Variants in DECR1 observed in about 807,000 individuals in gnomAD.
The protein encoded by DECR1 is 2,4-dienoyl-CoA reductase [(3E)-enoyl-CoA-producing], mitochondrial.
A neutral mutation model predicts 38.8 loss-of-function variants in DECR1; 44 were observed. The ratio of observed to expected loss-of-function variants is 1.13; its 90% CI spans 0.89 to 1.46. DECR1 has a LOEUF of 1.46. Among genes scored for constraint, DECR1 ranks in the 40% most tolerant of loss-of-function variants. The pLI is 0.00. For missense variants in DECR1, 428 were observed against 405.5 expected (o/e 1.06, Z -0.48); for synonymous variants, 148 against 135.2 (o/e 1.09, Z -0.66).
intron 5 of DECR1, among the ~76,000 whole-genome samples, chr8:90,032,968 A>G (rs1813535027): frequency 6.6e-6 from 1 of 152,170 alleles, no homozygotes; most frequent in African/African-American, 2.4e-5. Context: ...TTAGAATCTA[A>G]TGACATTTGC....
intron 1 of DECR1, among the ~76,000 whole-genome samples, chr8:90,006,789 G>A (rs1388445846): frequency 2.0e-5 from 3 of 152,180 alleles, no homozygotes; most frequent in African/African-American, 7.2e-5. Context: ...CCAGTGATGA[G>A]GGTCTGAACT....
chr8:90,017,036 A>G (rs1813024460), intron 1 of DECR1, 88 bp from the exon 2 acceptor site: 1 of 812,990 alleles, frequency 1.2e-6, no homozygotes, highest in Admixed American at 2.5e-5. Context: ...GAATTTGATT[A>G]CTATTAAATT....
intron 5 of DECR1, among the ~76,000 whole-genome samples, chr8:90,025,038 G>A (rs1813293724): frequency 6.6e-6 from 1 of 152,316 alleles, no homozygotes; most frequent in African/African-American, 2.4e-5. Flanking sequence ...TTATAGATGT[G>A]TGGTATTACT....
intron 2 of DECR1, 133 bp downstream of exon 2, chr8:90,017,459 T>C (rs1813037489): frequency 1.9e-6 from 1 of 539,772 alleles, no homozygotes; most frequent in Non-Finnish European, 3.1e-6. Context: ...AAATATTATT[T>C]AGATTATTTA....
intron 6 of DECR1, among the ~76,000 whole-genome samples, chr8:90,037,804 T>A (rs1357834548): frequency 6.6e-6 from 1 of 152,180 alleles, no homozygotes; most frequent in Non-Finnish European, 1.5e-5. Flanking sequence ...TTTATTATAA[T>A]GGGGCTTCTC....
intron 1 of DECR1, chr8:90,015,406 A>G (rs1276385100): frequency 3.3e-5 from 10 of 303,212 alleles, no homozygotes; most frequent in African/African-American, 2.2e-4. Context: ...TGAATCTACT[A>G]CTTACTGTTG....
At chr8:90,024,338 T>C (rs535589607) in intron 5 of DECR1, among the ~76,000 whole-genome samples, 45 of 152,352 alleles carry the variant, frequency 3.0e-4, no homozygotes, top group African/African-American at 9.9e-4. Context: ...CCACCAACAG[T>C]GTAAAAGTGT....
chr8:90,021,106 G>T (rs745800534), intron 5 of DECR1, 50 bp downstream of exon 5: 15 of 1,466,156 alleles, frequency 1.0e-5, no homozygotes, highest in Non-Finnish European at 1.3e-5. Context: ...TGTGTGCAAG[G>T]TTCTGTGGTA....
In DECR1 at chr8:90,017,262, G is replaced by T. The variant is rs751699703; in HGVS notation, c.208G>T (p.Gly70Cys). The T allele has an allele frequency of 6.2e-7, 1 of 1,614,184 alleles. No homozygotes were observed. The highest frequency in any genetic ancestry group is 8.5e-7 in the Non-Finnish European group (1 of 1,180,038). ...KVAFITGGGT[G>C]LGKGMTTLLS... ...GGCATTCATTACTGGGGGAGGTACT[G>T]GCCTTGGTAAAGGAATGACAACTCT... is the stretch of plus-strand genomic sequence containing the variant. The change falls in exon 2 of 10, where the codon GGC becomes TGC. Residue 70 changes from glycine to cysteine, a missense_variant. Transcript: ENST00000220764.
At chr8:90,039,544 A>G (rs1334401224) in intron 6 of DECR1, among the ~76,000 whole-genome samples, 1 of 152,186 alleles carries the variant, frequency 6.6e-6, no homozygotes, top group Non-Finnish European at 1.5e-5. Flanking sequence ...GATTATTACA[A>G]TTCAGAGTGA....
chr8:90,051,369 AG>A (rs1814087646), intron 8 of DECR1, among the ~76,000 whole-genome samples: 1 of 152,130 alleles, frequency 6.6e-6, no homozygotes, highest in African/African-American at 2.4e-5. Flanking sequence ...ATTCAAGATA[AG>A]ATTTTTTTGG....
At chr8:90,014,080 T>C (rs377237355) in intron 1 of DECR1, among the ~76,000 whole-genome samples, 9 of 152,334 alleles carry the variant, frequency 5.9e-5, no homozygotes, top group African/African-American at 2.2e-4. Flanking sequence ...TGGAAGACTC[T>C]AGAAAGTTTT....
Position 90,044,959 on chromosome 8 carries a change from C to G in DECR1, c.849C>G (p.Phe283Leu). ...TVEELANLAA[F>L]LCSDYASWIN... Reference sequence around the variant, plus strand: ...AAGAACTCGCAAATCTTGCTGCTTTCCTTTGTAGTGATTATGCTTCTTGGA... The same window carrying G: ...AAGAACTCGCAAATCTTGCTGCTTTGCTTTGTAGTGATTATGCTTCTTGGA... Residue 283 changes from phenylalanine (F) to leucine (L), a missense_variant, in exon 8 of 10, where the codon TTC becomes TTG. Phe to Leu is a conservative substitution (Grantham distance 22, BLOSUM62 0). Transcript: ENST00000220764. 3 of 1,613,808 alleles carry G rather than the reference C, an allele frequency of 1.9e-6. No individual in the cohort carries two copies. Among genetic ancestry groups the G allele is most frequent in the Non-Finnish European group, 2.5e-6 (3 of 1,179,848 alleles).
chr8:90,019,193 G>A, intron 4 of DECR1, 21 bp downstream of exon 4: 1 of 1,593,524 alleles, frequency 6.3e-7, no homozygotes, highest in Non-Finnish European at 8.6e-7. Context: ...CAATGATGAA[G>A]CCAAAGTGCA....
At chr8:90,017,923 G>A (rs1414767139) in intron 2 of DECR1, among the ~76,000 whole-genome samples, 5 of 152,134 alleles carry the variant, frequency 3.3e-5, no homozygotes, top group Admixed American at 6.5e-5. Flanking sequence ...TCCAGCTCTT[G>A]TCGCCCAGGC....
intron 5 of DECR1, among the ~76,000 whole-genome samples, chr8:90,034,652 A>C (rs960100228): frequency 1.3e-5 from 2 of 151,962 alleles, no homozygotes; most frequent in African/African-American, 4.8e-5. Context: ...GGATTTCACT[A>C]TGTTGGCCAG....
rs148224830 is a variant in DECR1 at position 90,044,495 on chromosome 8, T to C, written c.739-354T>C. 9.6e-3 allele frequency among the ~76,000 whole-genome samples: 1,466 copies of C among 152,314 alleles called. 25 individuals carry two copies. Among genetic ancestry groups the C allele is most frequent in the African/African-American group, 0.034 (1,416 of 41,572 alleles). On this transcript the variant is annotated intron_variant, in intron 7 of 9. Transcript: ENST00000220764. ...CTCTTAAATATTTCCTATGAGCCACTTTTCTGTGTTTATTAAATGAAAAGC... is the reference window on the plus strand; with the variant it reads ...CTCTTAAATATTTCCTATGAGCCACCTTTCTGTGTTTATTAAATGAAAAGC...
chr8:90,006,410 G>C (rs569023735), intron 1 of DECR1: 32 of 671,090 alleles, frequency 4.8e-5, no homozygotes, highest in Non-Finnish European at 8.7e-5. Context: ...TGAAGGCCCA[G>C]CATAAAGGTT....
chr8:90,019,556 T>G (rs1398997962), intron 4 of DECR1, among the ~76,000 whole-genome samples: 1 of 152,262 alleles, frequency 6.6e-6, no homozygotes, highest in East Asian at 1.9e-4. Flanking sequence ...TTCTGAGTTA[T>G]CAGTTCGTTG....
Sources: gnomAD v4.1 joint callset for allele counts (sites outside exome capture counted in the v4.1 genomes callset) on GRCh38, gnomAD v4.1.1 for gene constraint, MANE v1.5 for transcripts, NCBI Gene and HGNC (gene_info 2026-07-23, HGNC 2026-07-21) for gene names.